OR56A3: variants seen among roughly 807,000 people sequenced by gnomAD.
OR56A3 encodes olfactory receptor 56A3.
A neutral mutation model predicts 17.5 loss-of-function variants in OR56A3; 23 were observed. That is an observed-to-expected ratio of 1.32 (90% CI 0.95 to 1.87). The LOEUF (loss-of-function observed/expected upper bound fraction) is 1.87, where lower values mean the gene tolerates loss of function less well. Among genes scored for constraint, OR56A3 ranks in the 40% most tolerant of loss-of-function variants. The pLI is 0.00. For missense variants in OR56A3, 366 were observed against 380.1 expected, an observed-to-expected ratio of 0.96 and a Z score of 0.31; for synonymous variants, 175 against 150.6, an observed-to-expected ratio of 1.16 and a Z score of -1.19.
the OR56A3 span, among the ~76,000 whole-genome samples, chr11:5,965,644 A>G: frequency 6.6e-6 from 1 of 152,254 alleles, no homozygotes; most frequent in Non-Finnish European, 1.5e-5. Flanking sequence ...AAAGCATTAT[A>G]TTAAAGCTCT....
the OR56A3 span, among the ~76,000 whole-genome samples, chr11:5,960,322 C>G: frequency 6.6e-6 from 1 of 151,968 alleles, no homozygotes; most frequent in African/African-American, 2.4e-5. Flanking sequence ...TGAGGCTGGA[C>G]TGTACTGCCA....
the OR56A3 span, among the ~76,000 whole-genome samples, chr11:5,974,069 A>C: frequency 1.4e-4 from 21 of 148,516 alleles, no homozygotes; most frequent in Non-Finnish European, 2.4e-4. Context: ...GATTCCCTTG[A>C]CCCTGCCAAG....
downstream of OR56A3, among the ~76,000 whole-genome samples, chr11:5,953,941 T>C (rs1302268702): frequency 1.3e-5 from 2 of 152,072 alleles, no homozygotes; most frequent in Non-Finnish European, 2.9e-5. Flanking sequence ...TCTTCTGTAA[T>C]AAGCACTATA....
At chr11:5,987,991 A>G in the OR56A3 span, among the ~76,000 whole-genome samples, 1 of 152,348 alleles carries the variant, frequency 6.6e-6, no homozygotes, top group East Asian at 1.9e-4. Context: ...AGACTGGCAT[A>G]AAAGATTATC....
chr11:5,956,883 G>A, the OR56A3 span, among the ~76,000 whole-genome samples: 3 of 152,116 alleles, frequency 2.0e-5, no homozygotes, highest in East Asian at 1.9e-4. Context: ...GAGGCCTGGC[G>A]CGGTGTCTCA....
At chr11:6,003,210 C>T in the OR56A3 span, 3 of 1,045,414 alleles carry the variant, frequency 2.9e-6, no homozygotes, top group Non-Finnish European at 4.2e-6. Flanking sequence ...TATTCATTAT[C>T]TCATTTCATC....
the OR56A3 span, among the ~76,000 whole-genome samples, chr11:5,982,548 G>T: frequency 3.9e-5 from 6 of 152,248 alleles, no homozygotes; most frequent in African/African-American, 1.4e-4. Context: ...TGGCAGACAG[G>T]GCAGCACTCA....
At chr11:6,004,506 G>T in the OR56A3 span, among the ~76,000 whole-genome samples, 1 of 152,214 alleles carries the variant, frequency 6.6e-6, no homozygotes, top group Non-Finnish European at 1.5e-5. Flanking sequence ...TGCCAGAGAA[G>T]ATAATGTAAG....
chr11:5,945,538 CGCCATT>C (rs1396028455), intron 2 of OR56A3, among the ~76,000 whole-genome samples: 1 of 145,020 alleles, frequency 6.9e-6, no homozygotes, highest in African/African-American at 2.6e-5. Flanking sequence ...GCAGAGATCA[CGCCATT>C]GCACTCCAGT....
At chr11:5,969,444 C>T in the OR56A3 span, among the ~76,000 whole-genome samples, 1 of 152,198 alleles carries the variant, frequency 6.6e-6, no homozygotes, top group Non-Finnish European at 1.5e-5. Flanking sequence ...GACTCATAAA[C>T]TCATCAGCAT....
chr11:5,975,550 T>G, the OR56A3 span, among the ~76,000 whole-genome samples: 1 of 152,124 alleles, frequency 6.6e-6, no homozygotes, highest in Non-Finnish European at 1.5e-5. Context: ...TCATTTTTTA[T>G]GGCTGCATAG....
At chr11:5,998,840 G>A in the OR56A3 span, among the ~76,000 whole-genome samples, 9 of 152,196 alleles carry the variant, frequency 5.9e-5, no homozygotes, top group Non-Finnish European at 1.0e-4. Context: ...TACCAAGACA[G>A]CTGCTTGGAC....
the OR56A3 span, among the ~76,000 whole-genome samples, chr11:6,009,102 G>A: frequency 1.3e-5 from 2 of 152,002 alleles, no homozygotes; most frequent in African/African-American, 4.8e-5. Flanking sequence ...TTGGAAACAG[G>A]GTCTTTGCAG....
chr11:5,947,855 T>A lies in OR56A3; in HGVS notation c.509T>A (p.Leu170His). Reference sequence around the variant, plus strand: ...CCCATCCCCATCCTTTCAGCACAACTCCGTTATTGTGGAAGAAATGTCATT... The same window carrying A: ...CCCATCCCCATCCTTTCAGCACAACACCGTTATTGTGGAAGAAATGTCATT... ...TLPIPILSAQ[L>H]RYCGRNVIEN... Residue 170 changes from leucine (L) to histidine (H), a missense_variant, in exon 3 of 3, where the codon CTC becomes CAC. Leu to His is a moderately conservative substitution (Grantham distance 99). Coordinates refer to ENST00000641160, the MANE Select transcript of OR56A3 (RefSeq NM_001003443.3). 1 of 1,614,154 alleles carries A rather than the reference T, an allele frequency of 6.2e-7. No homozygotes were observed. Among genetic ancestry groups the A allele is most frequent in the South Asian group, 1.1e-5 (1 of 91,080 alleles).
chr11:5,997,783 A>G, the OR56A3 span, among the ~76,000 whole-genome samples: 1 of 152,246 alleles, frequency 6.6e-6, no homozygotes, highest in Non-Finnish European at 1.5e-5. Flanking sequence ...CACAGTATCC[A>G]TAAACCGGGG....
At chr11:6,019,954 G>A in the OR56A3 span, 1 of 152,094 alleles carries the variant, frequency 6.6e-6, no homozygotes, top group South Asian at 2.1e-4. Flanking sequence ...TTTAAGGAAA[G>A]TCTCTCAACC....
the OR56A3 span, among the ~76,000 whole-genome samples, chr11:5,978,430 GT>G: frequency 6.6e-6 from 1 of 151,974 alleles, no homozygotes; most frequent in African/African-American, 2.4e-5. Flanking sequence ...TTATCTCCTG[GT>G]TATCTGTATT....
At chr11:5,946,587 A>T (rs1173493468) in intron 2 of OR56A3, among the ~76,000 whole-genome samples, 1 of 152,228 alleles carries the variant, frequency 6.6e-6, no homozygotes, top group Admixed American at 6.5e-5. Context: ...TCTAATGACA[A>T]GCATTTCTCC....
chr11:6,006,464 A>G, the OR56A3 span: 2 of 152,222 alleles, frequency 1.3e-5, no homozygotes, highest in Non-Finnish European at 2.9e-5. Context: ...TGAGCAAAAC[A>G]TGGTATCTGA....
Sources: gnomAD v4.1 joint callset for allele counts (sites outside exome capture counted in the v4.1 genomes callset) on GRCh38, gnomAD v4.1.1 for gene constraint, MANE v1.5 for transcripts, NCBI Gene and HGNC (gene_info 2026-07-23, HGNC 2026-07-21) for gene names.